The following SLC27A5 variants were observed in gnomAD, a reference collection of about 807,000 sequenced individuals.
SLC27A5 encodes the protein solute carrier family 27 member 5.
Under a neutral mutation model 63.1 loss-of-function variants are expected in SLC27A5, and 47 were observed. The observed-to-expected ratio is 0.74, with a 90% CI of 0.59 to 0.95. The LOEUF is 0.95. Among genes scored for constraint, SLC27A5 ranks in the 40% least tolerant of loss-of-function variants. The probability of loss-of-function intolerance (pLI) is 0.00; values close to 1 mark genes in which losing one functional copy is unlikely to be tolerated. For synonymous variants in SLC27A5, 391 were observed against 403.8 expected (o/e 0.97, Z 0.38); for missense variants, 940 against 921.0 (o/e 1.02, Z -0.27).
At chr19:58,500,459 G>T in intron 5 of SLC27A5, 30 bp from the exon 6 acceptor site, 1 of 1,613,604 alleles carries the variant, frequency 6.2e-7, no homozygotes, top group East Asian at 2.2e-5. Flanking sequence ...GTTGACATAG[G>T]TCCTGTGGGC....
intron 6 of SLC27A5, 110 bp downstream of exon 6, chr19:58,500,229 A>T (rs919013393): frequency 1.7e-4 from 150 of 863,236 alleles, no homozygotes; most frequent in Non-Finnish European, 2.6e-4. Context: ...AAGGCTGCAG[A>T]CCCCTCTAGT....
rs1568625948 is a variant in SLC27A5, at chr19:58,499,094, TGGA to T, written c.1765+26_1765+28del. 7 of 1,612,796 alleles carry T rather than the reference TGGA, an allele frequency of 4.3e-6. No individual in the cohort carries two copies. In the Admixed American group the frequency reaches 1.0e-4, roughly 23 times the overall value. On this transcript the variant is annotated intron_variant, in intron 8 of 9. Transcript: ENST00000263093. Reference sequence around the variant, plus strand: ...ACGACCCCTCCACCCACAAAGCTGTTGGAAGTTTAAAATGAGAACCCTCCGCAC... The same window carrying T: ...ACGACCCCTCCACCCACAAAGCTGTTAGTTTAAAATGAGAACCCTCCGCAC...
chr19:58,499,446 T>A (rs1331455741), intron 7 of SLC27A5, 46 bp downstream of exon 7: 1 of 1,595,976 alleles, frequency 6.3e-7, no homozygotes, highest in Non-Finnish European at 8.6e-7. Context: ...TCTGAAAGCG[T>A]CCGTGGCCCC....
At chr19:58,507,798 C>G (rs1051935756) in intron 3 of SLC27A5, 2 of 152,136 alleles carry the variant, frequency 1.3e-5, no homozygotes, top group African/African-American at 4.8e-5. Flanking sequence ...AATGTCTGTC[C>G]TATGCAGTTG....
Position 58,500,399 on chromosome 19 carries a change from C to A in SLC27A5, c.1408G>T (p.Asp470Tyr), listed in dbSNP as rs746865440. 1 of 1,613,826 alleles carries A rather than the reference C, an allele frequency of 6.2e-7. No homozygotes were observed. The highest frequency in any genetic ancestry group is 8.5e-7 in the Non-Finnish European group (1 of 1,180,022). The change falls in exon 6 of 10, where the codon GAC becomes TAC. Residue 470 changes from aspartate (D) to tyrosine (Y), a missense_variant. Physicochemically the swap from Asp to Tyr is radical, Grantham distance 160. Coordinates refer to ENST00000263093, the MANE Select transcript of SLC27A5 (RefSeq NM_012254.3). ...CTCACAGGCTCCGCCGCCTCCATGT[C>A]GAACTGCACCAGCTCAAAGGGGGAC... ...MLSPFELVQFDMEAAEPVRDN... is the reference protein window; with the variant it reads ...MLSPFELVQFYMEAAEPVRDN...
At chr19:58,500,902 G>A in intron 4 of SLC27A5, 196 bp from the exon 5 acceptor site, 1 of 1,409,468 alleles carries the variant, frequency 7.1e-7, no homozygotes, top group Non-Finnish European at 9.2e-7. Flanking sequence ...AGGGTTACCT[G>A]CAGGGGCGAC....
chr19:58,509,451 T>C (rs2053385511), intron 3 of SLC27A5: 1 of 167,064 alleles, frequency 6.0e-6, no homozygotes, highest in Admixed American at 6.4e-5. Context: ...GAACAAGCTA[T>C]GGAGAGGTCC....
intron 3 of SLC27A5, among the ~76,000 whole-genome samples, chr19:58,505,205 T>C (rs1034754138): frequency 1.7e-4 from 26 of 151,006 alleles, no homozygotes; most frequent in Admixed American, 6.6e-4. Context: ...GTTCAAGCGA[T>C]TCTCCTGCCT....
intron 8 of SLC27A5, 102 bp from the exon 9 acceptor site, chr19:58,499,017 G>C: frequency 6.3e-7 from 1 of 1,591,536 alleles, no homozygotes; most frequent in African/African-American, 1.3e-5. Flanking sequence ...GAGCCAGCAA[G>C]TCTCTAAACC....
chr19:58,510,703 G>A lies in SLC27A5; in HGVS notation c.898+18C>T. 6.3e-7 allele frequency: 1 copy of A among 1,582,568 alleles called. No homozygotes were observed. The highest frequency in any genetic ancestry group is 2.3e-5 in the East Asian group (1 of 44,092). On this transcript the variant is annotated intron_variant, in intron 2 of 9. Coordinates refer to ENST00000263093, the MANE Select transcript of SLC27A5 (RefSeq NM_012254.3). The stretch of plus-strand genomic sequence containing the variant: ...TGAGAGTTCAGAGGCTGGTGCTAGG[G>A]CTAATGGGCACCCTCACCAGTGGTC...
chr19:58,499,610 G>A lies in SLC27A5; in HGVS notation c.1549C>T (p.Arg517Trp). The A allele has an allele frequency of 1.2e-6, 2 of 1,613,048 alleles. No homozygotes were observed. The highest frequency in any genetic ancestry group is 1.7e-6 in the Non-Finnish European group (2 of 1,180,002). ...TGCCGCACGTTGCGCACCAGCTTCC[G>A]TTCCGACAGCTCTCGGGGGCCGCGG... ...GYRGPRELSE[R>W]KLVRNVRQSG... Residue 517 changes from arginine to tryptophan, a missense_variant, in exon 7 of 10, where the codon CGG becomes TGG. Arg to Trp is a moderately radical substitution (Grantham distance 101, BLOSUM62 -3). Coordinates refer to ENST00000263093, the MANE Select transcript of SLC27A5 (RefSeq NM_012254.3).
chr19:58,510,071 G>A (rs1019741081), intron 2 of SLC27A5, 66 bp from the exon 3 acceptor site: 3 of 1,508,634 alleles, frequency 2.0e-6, no homozygotes, highest in Non-Finnish European at 2.7e-6. Context: ...CCTGACCAGA[G>A]GGATAGATCT....
intron 3 of SLC27A5, among the ~76,000 whole-genome samples, chr19:58,505,433 A>G (rs1478867021): frequency 6.6e-6 from 1 of 151,392 alleles, no homozygotes; most frequent in Non-Finnish European, 1.5e-5. Flanking sequence ...GGATTTTGCC[A>G]TGTTAGCCAG....
chr19:58,505,514 T>G (rs1045316987), intron 3 of SLC27A5, among the ~76,000 whole-genome samples: 1 of 150,992 alleles, frequency 6.6e-6, no homozygotes, highest in Admixed American at 6.6e-5. Flanking sequence ...ATTACAGGCG[T>G]AAACCACTGG....
Position 58,500,515 on chromosome 19 carries a change from G to A in SLC27A5, c.1374C>T (p.Leu458=). ...CGALGKMSCL[L]RMLSPFELVQ... Reference sequence around the variant, plus strand: ...CACCAGGTACCCGCACACTCACTCGGAGGAGGCAGCTCATCTTGCCCAGGG... The same window carrying A: ...CACCAGGTACCCGCACACTCACTCGAAGGAGGCAGCTCATCTTGCCCAGGG... The change falls in exon 5 of 10, where the codon CTC becomes CTT. Residue 458 remains leucine (L), a synonymous_variant. Coordinates refer to ENST00000263093, the MANE Select transcript of SLC27A5 (RefSeq NM_012254.3). 6.2e-7 allele frequency: 1 copy of A among 1,613,956 alleles called. No homozygotes were observed. The highest frequency in any genetic ancestry group is 8.5e-7 in the Non-Finnish European group (1 of 1,179,966).
intron 6 of SLC27A5, 84 bp from the exon 7 acceptor site, chr19:58,499,774 A>C (rs946583903): frequency 1.5e-6 from 2 of 1,327,250 alleles, no homozygotes; most frequent in Non-Finnish European, 1.1e-6. Context: ...TGGACTCTTC[A>C]TCACCCAGCA....
At chr19:58,506,023 A>C (rs1341921918) in intron 3 of SLC27A5, among the ~76,000 whole-genome samples, 1 of 149,216 alleles carries the variant, frequency 6.7e-6, no homozygotes, top group African/African-American at 2.5e-5. Context: ...CGGTGGTGGG[A>C]GCCTGTAATA....
Position 58,498,512 on chromosome 19 carries a change from T to C in SLC27A5, c.*3A>G. On this transcript the variant is annotated 3_prime_UTR_variant, in exon 10 of 10. Coordinates refer to ENST00000263093, the MANE Select transcript of SLC27A5 (RefSeq NM_012254.3). ...TCCCTACCCCAGTGGGTTGGCCAGG[T>C]GATCAGAGCCTCCAGGTTCCCTCAC... is the stretch of plus-strand genomic sequence containing the variant. 6.2e-7 allele frequency: 1 copy of C among 1,606,582 alleles called. No homozygotes were observed. The highest frequency in any genetic ancestry group is 2.2e-5 in the East Asian group (1 of 44,704).
intron 3 of SLC27A5, chr19:58,507,639 C>T (rs796368373): frequency 2.6e-5 from 4 of 152,214 alleles, no homozygotes; most frequent in African/African-American, 4.8e-5. Context: ...GCAAAAAGAG[C>T]CATATTTTTC....
Sources: allele counts gnomAD v4.1 joint callset (sites outside exome capture counted in the v4.1 genomes callset), GRCh38; gene constraint gnomAD v4.1.1; transcripts MANE v1.5; gene names NCBI Gene and HGNC (gene_info 2026-07-23, HGNC 2026-07-21).